IQCK: variants seen among roughly 807,000 people sequenced by gnomAD.
IQCK encodes the protein IQ domain-containing protein K.
Under a neutral mutation model 28.1 loss-of-function variants are expected in IQCK, and 29 were observed. The observed-to-expected ratio is 1.03, with a 90% CI of 0.77 to 1.41. The LOEUF is 1.41. Ranked by LOEUF, IQCK falls within the 40% of genes most tolerant of loss-of-function variation. The probability of loss-of-function intolerance (pLI) is 0.00; values close to 1 mark genes in which losing one functional copy is unlikely to be tolerated. For missense variants in IQCK, 359 were observed against 314.7 expected, an observed-to-expected ratio of 1.14 and a Z score of -1.07; for synonymous variants, 113 against 115.1, an observed-to-expected ratio of 0.98 and a Z score of 0.12.
intron 6 of IQCK, among the ~76,000 whole-genome samples, chr16:19,785,243 C>A (rs553505181): frequency 6.6e-6 from 1 of 152,188 alleles, no homozygotes. Flanking sequence ...GGTTTTAGCA[C>A]CCTTTGGCCG....
In IQCK at chr16:19,722,971, C is replaced by CA. The variant is rs796492282; in HGVS notation, c.181+4487dup. Among the ~76,000 whole-genome samples, 295 of 152,266 alleles carry CA rather than the reference C, an allele frequency of 1.9e-3. 2 individuals carry two copies. Among genetic ancestry groups the CA allele is most frequent in the African/African-American group, 6.3e-3 (260 of 41,552 alleles). Reference sequence around the variant, plus strand: ...AGGTGATCCACCCGCCTCAGCCTCCCAAAGTGCTGGGATTACAGGCGTGAG... The same window carrying CA: ...AGGTGATCCACCCGCCTCAGCCTCCCAAAAGTGCTGGGATTACAGGCGTGAG... On this transcript the variant is annotated intron_variant, in intron 1 of 7. Transcript: ENST00000564186.
chr16:19,723,317 T>C (rs1434237519), intron 1 of IQCK, among the ~76,000 whole-genome samples: 1 of 152,204 alleles, frequency 6.6e-6, no homozygotes, highest in Non-Finnish European at 1.5e-5. Flanking sequence ...ATAAACTCCT[T>C]AGCTTAACCC....
chr16:19,773,272 C>A (rs2055342288), intron 6 of IQCK, among the ~76,000 whole-genome samples: 1 of 152,112 alleles, frequency 6.6e-6, no homozygotes, highest in Non-Finnish European at 1.5e-5. Context: ...GCCCAACTGA[C>A]AAGTATTGTG....
chr16:19,839,865 CATGCCTGTAG>C (rs1215335649), intron 9 of IQCK, among the ~76,000 whole-genome samples: 1 of 151,960 alleles, frequency 6.6e-6, no homozygotes, highest in Non-Finnish European at 1.5e-5. Flanking sequence ...TAGCGTGGTG[CATGCCTGTAG>C]ACCCAGCTGC....
chr16:19,722,485 C>T (rs1977525753), intron 1 of IQCK, among the ~76,000 whole-genome samples: 1 of 152,164 alleles, frequency 6.6e-6, no homozygotes, highest in Admixed American at 6.5e-5. Context: ...TCTTCCAGCT[C>T]CTATCAGTCT....
chr16:19,812,848 G>A (rs1421280563), intron 7 of IQCK, among the ~76,000 whole-genome samples: 3 of 152,144 alleles, frequency 2.0e-5, no homozygotes, highest in African/African-American at 7.2e-5. Flanking sequence ...AAGGTAGGGG[G>A]GGAAATTCAG....
chr16:19,809,737 ACTT>A (rs1309723385), intron 7 of IQCK, among the ~76,000 whole-genome samples: 35 of 152,298 alleles, frequency 2.3e-4, no homozygotes, highest in African/African-American at 7.5e-4. Flanking sequence ...CGGTTCTCCG[ACTT>A]TAGCCCACAT....
intron 6 of IQCK, among the ~76,000 whole-genome samples, chr16:19,784,873 A>G (rs190894740): frequency 2.0e-5 from 3 of 152,272 alleles, no homozygotes; most frequent in African/African-American, 4.8e-5. Flanking sequence ...GGTTCAAACA[A>G]TTGTCCTGCC....
intron 7 of IQCK, among the ~76,000 whole-genome samples, chr16:19,814,149 G>T (rs1456499354): frequency 6.6e-6 from 1 of 151,378 alleles, no homozygotes; most frequent in Non-Finnish European, 1.5e-5. Context: ...AAACCCAGGA[G>T]GTGGAGGTTG....
intron 4 of IQCK, among the ~76,000 whole-genome samples, chr16:19,762,543 CCAAGTTA>C (rs2055163152): frequency 6.6e-6 from 1 of 152,100 alleles, no homozygotes; most frequent in Non-Finnish European, 1.5e-5. Context: ...AATTCTTTGC[CCAAGTTA>C]CTGTTTGTTG....
At chr16:19,814,038 T>A (rs934494899) in intron 7 of IQCK, among the ~76,000 whole-genome samples, 5 of 151,862 alleles carry the variant, frequency 3.3e-5, no homozygotes, top group Admixed American at 6.6e-5. Flanking sequence ...GCCAACGTGG[T>A]GAAACCCTGT....
At chr16:19,808,923 T>G (rs1338395600) in intron 7 of IQCK, among the ~76,000 whole-genome samples, 1 of 152,214 alleles carries the variant, frequency 6.6e-6, no homozygotes, top group Non-Finnish European at 1.5e-5. Context: ...AATGGCGCAA[T>G]CTTGGCTCTC....
At chr16:19,739,661 G>A (rs552038658) in intron 4 of IQCK, among the ~76,000 whole-genome samples, 7 of 152,144 alleles carry the variant, frequency 4.6e-5, no homozygotes, top group African/African-American at 9.6e-5. Flanking sequence ...CAAAAAATAC[G>A]AAAATTAGCT....
chr16:19,827,056 C>T (rs755519473), exon 8 of IQCK: 16 of 1,613,808 alleles, frequency 9.9e-6, no homozygotes, highest in African/African-American at 8.0e-5. Flanking sequence ...TCAAGAACTG[C>T]GTCAGTGGCA....
chr16:19,845,915 G>T (rs1228636194), intron 9 of IQCK, among the ~76,000 whole-genome samples: 1 of 151,766 alleles, frequency 6.6e-6, no homozygotes, highest in Non-Finnish European at 1.5e-5. Flanking sequence ...TCTCTACCAA[G>T]GACACAAAAA....
At chr16:19,846,440 G>A (rs893675760) in intron 9 of IQCK, among the ~76,000 whole-genome samples, 4 of 152,098 alleles carry the variant, frequency 2.6e-5, no homozygotes, top group African/African-American at 7.2e-5. Flanking sequence ...GACCCTTTAC[G>A]GGGTCAAACC....
At chr16:19,785,566 A>T (rs1230625139) in intron 6 of IQCK, among the ~76,000 whole-genome samples, 1 of 152,222 alleles carries the variant, frequency 6.6e-6, no homozygotes, top group Non-Finnish European at 1.5e-5. Flanking sequence ...AGCTGATGGG[A>T]AATTGGCTGT....
At chr16:19,735,385 T>A (rs1026650240) in exon 4 of IQCK, 6 of 1,613,996 alleles carry the variant, frequency 3.7e-6, no homozygotes, top group Non-Finnish European at 5.1e-6. Context: ...AACTTTCATC[T>A]TTCCTGTTCT....
At chr16:19,743,237 C>T (rs754015629) in intron 4 of IQCK, among the ~76,000 whole-genome samples, 22 of 152,210 alleles carry the variant, frequency 1.4e-4, no homozygotes, top group Admixed American at 1.3e-4. Flanking sequence ...TACATGAGCA[C>T]TCTGGAGGTC....
Sources: gnomAD v4.1 joint callset for allele counts (sites outside exome capture counted in the v4.1 genomes callset) on GRCh38, gnomAD v4.1.1 for gene constraint, MANE v1.5 for transcripts, NCBI Gene and HGNC (gene_info 2026-07-23, HGNC 2026-07-21) for gene names.